The following CNTNAP2 variants were observed in gnomAD, a reference collection of about 807,000 sequenced individuals.
CNTNAP2 encodes contactin-associated protein-like 2.
Under a neutral mutation model 155.2 loss-of-function variants are expected in CNTNAP2, and 98 were observed. That is an observed-to-expected ratio of 0.63 (90% CI 0.54 to 0.75). The LOEUF (loss-of-function observed/expected upper bound fraction) is 0.75. Among genes scored for constraint, CNTNAP2 ranks in the 30% least tolerant of loss-of-function variants. The probability of loss-of-function intolerance (pLI) is 0.00; values close to 1 mark genes in which losing one functional copy is unlikely to be tolerated. For missense variants in CNTNAP2, 1,727 were observed against 1,688.1 expected (o/e 1.02, Z -0.40); for synonymous variants, 651 against 631.2 (o/e 1.03, Z -0.47).
At chr7:146,396,793 T>A (rs1182746474) in intron 1 of CNTNAP2, among the ~76,000 whole-genome samples, 1 of 151,568 alleles carries the variant, frequency 6.6e-6, no homozygotes, top group Non-Finnish European at 1.5e-5. Flanking sequence ...ATGCTAAATA[T>A]TTTATTTTTT....
chr7:146,223,847 A>T (rs1799247803), intron 1 of CNTNAP2, among the ~76,000 whole-genome samples: 1 of 152,246 alleles, frequency 6.6e-6, no homozygotes, highest in South Asian at 2.1e-4. Flanking sequence ...GGTGAGAAAT[A>T]GTTATAAAGT....
At chr7:147,217,770 G>A (rs984831019) in intron 8 of CNTNAP2, among the ~76,000 whole-genome samples, 4 of 151,882 alleles carry the variant, frequency 2.6e-5, no homozygotes, top group African/African-American at 4.8e-5. Context: ...GAACACTTAC[G>A]GACCTGATGC....
intron 14 of CNTNAP2, among the ~76,000 whole-genome samples, chr7:147,924,008 C>A (rs1800334435): frequency 6.6e-6 from 1 of 152,222 alleles, no homozygotes; most frequent in African/African-American, 2.4e-5. Context: ...TGGCCATTCC[C>A]CTCTGCCAGC....
At chr7:146,564,973 C>T (rs74635565) in intron 1 of CNTNAP2, among the ~76,000 whole-genome samples, 1,805 of 152,058 alleles carry the variant, frequency 0.012, 38 homozygotes, top group South Asian at 0.015. Flanking sequence ...AGGAGTTTAC[C>T]CAAAGCCTAA....
intron 1 of CNTNAP2, among the ~76,000 whole-genome samples, chr7:146,245,263 C>A (rs1165945761): frequency 3.3e-5 from 5 of 151,858 alleles, no homozygotes; most frequent in Non-Finnish European, 7.4e-5. Context: ...ATGTGGGAGG[C>A]CAGATTGAAG....
chr7:148,265,609 A>G (rs1038155757), intron 20 of CNTNAP2, among the ~76,000 whole-genome samples: 1 of 152,088 alleles, frequency 6.6e-6, no homozygotes, highest in African/African-American at 2.4e-5. Flanking sequence ...GTTATAGAAA[A>G]CTTTTCAAAA....
intron 15 of CNTNAP2, among the ~76,000 whole-genome samples, chr7:148,090,075 C>G (rs1474121457): frequency 6.6e-6 from 1 of 151,950 alleles, no homozygotes; most frequent in Non-Finnish European, 1.5e-5. Flanking sequence ...AAACTAGGCT[C>G]TCATTTTACA....
At chr7:147,998,346 G>C (rs62471146) in intron 15 of CNTNAP2, among the ~76,000 whole-genome samples, 4 of 151,828 alleles carry the variant, frequency 2.6e-5, no homozygotes, top group African/African-American at 9.7e-5. Flanking sequence ...CTCCTGACCT[G>C]GTGATCCGCC....
intron 14 of CNTNAP2, among the ~76,000 whole-genome samples, chr7:147,948,611 A>G (rs1401365392): frequency 6.7e-6 from 1 of 149,128 alleles, no homozygotes; most frequent in Admixed American, 6.7e-5. Flanking sequence ...ATATGTATGT[A>G]TATATACATA....
At chr7:147,021,646 TTCC>T (rs1380568852) in intron 3 of CNTNAP2, among the ~76,000 whole-genome samples, 3 of 152,184 alleles carry the variant, frequency 2.0e-5, no homozygotes, top group African/African-American at 7.2e-5. Flanking sequence ...AACAATTTTC[TTCC>T]TCCTCCTACT....
intron 18 of CNTNAP2, among the ~76,000 whole-genome samples, chr7:148,201,204 T>C (rs1795364607): frequency 6.6e-6 from 1 of 152,212 alleles, no homozygotes; most frequent in Non-Finnish European, 1.5e-5. Flanking sequence ...TGGTCAGAAT[T>C]GTGGTTGCCA....
At chr7:146,184,402 A>G (rs1383974644) in intron 1 of CNTNAP2, among the ~76,000 whole-genome samples, 1 of 152,162 alleles carries the variant, frequency 6.6e-6, no homozygotes, top group Non-Finnish European at 1.5e-5. Context: ...CCAAACAACA[A>G]AAGATTGTGT....
At chr7:146,998,616 G>C (rs888200931) in intron 3 of CNTNAP2, among the ~76,000 whole-genome samples, 21 of 151,994 alleles carry the variant, frequency 1.4e-4, no homozygotes, top group African/African-American at 5.1e-4. Flanking sequence ...ACTATCCATT[G>C]CTGAAAGTGA....
chr7:148,323,881 ATTTT>A (rs35049282), intron 21 of CNTNAP2, among the ~76,000 whole-genome samples: 9 of 102,564 alleles, frequency 8.8e-5, no homozygotes, highest in Non-Finnish European at 7.8e-5. Context: ...CTGAAGCCCC[ATTTT>A]TTTTTTTTTT....
At chr7:146,902,052 T>A (rs968215541) in intron 3 of CNTNAP2, among the ~76,000 whole-genome samples, 3 of 151,950 alleles carry the variant, frequency 2.0e-5, no homozygotes, top group Non-Finnish European at 4.4e-5. Context: ...ATTTTTCTTT[T>A]TTTTTGTATT....
chr7:147,178,386 G>T (rs1165347884), intron 8 of CNTNAP2, among the ~76,000 whole-genome samples: 1 of 152,170 alleles, frequency 6.6e-6, no homozygotes. Context: ...AAAAGGCAAG[G>T]AAACAGTTTC....
intron 1 of CNTNAP2, among the ~76,000 whole-genome samples, chr7:146,461,417 T>TATTATA (rs1554436611): frequency 6.9e-6 from 1 of 145,104 alleles, no homozygotes; most frequent in African/African-American, 2.6e-5. Flanking sequence ...AAAAAAAAAA[T>TATTATA]ATAATAATAA....
rs61732849 is a variant in CNTNAP2 at position 147,562,214 on chromosome 7, C to T, written c.1854C>T (p.Gly618=). The T allele has an allele frequency of 2.0e-3, 3,163 of 1,613,984 alleles. 50 individuals carry two copies. The African/African-American group carries it at 0.035, about 18-fold the overall frequency. ...TSNYYWIDPD[G]SGPLGPLKVY... Reference sequence around the variant, plus strand: ...ATTATTACTGGATAGATCCTGATGGCAGCGGACCTCTGGGGCCTCTGAAAG... The same window carrying T: ...ATTATTACTGGATAGATCCTGATGGTAGCGGACCTCTGGGGCCTCTGAAAG... Residue 618 remains glycine (G), a synonymous_variant, in exon 12 of 24, where the codon GGC becomes GGT. Transcript: ENST00000361727.
chr7:146,501,406 T>C (rs1797298543), intron 1 of CNTNAP2, among the ~76,000 whole-genome samples: 1 of 152,170 alleles, frequency 6.6e-6, no homozygotes, highest in African/African-American at 2.4e-5. Flanking sequence ...GTTTTACATA[T>C]ATGCTAATTT....
Sources: allele counts gnomAD v4.1 joint callset (sites outside exome capture counted in the v4.1 genomes callset), GRCh38; gene constraint gnomAD v4.1.1; transcripts MANE v1.5; gene names NCBI Gene and HGNC (gene_info 2026-07-23, HGNC 2026-07-21).